The following NME9 variants were observed in gnomAD, a reference collection of about 807,000 sequenced individuals.
NME9 encodes the protein NME/NM23 family member 9, also known as thioredoxin domain-containing protein 6.
In NME9, 48 loss-of-function variants were observed where a neutral mutation model predicts 44.4. The ratio of observed to expected loss-of-function variants is 1.08; its 90% confidence interval spans 0.86 to 1.37. The LOEUF (loss-of-function observed/expected upper bound fraction) is 1.37. Among genes scored for constraint, NME9 ranks in the 40% most tolerant of loss-of-function variants. The pLI is 0.00. For missense variants in NME9, 325 were observed against 405.2 expected (o/e 0.80, Z 1.70); for synonymous variants, 139 against 147.1 (o/e 0.94, Z 0.40).
chr3:138,290,497 G>C (rs919608697), intron 8 of NME9: 2 of 1,342,242 alleles, frequency 1.5e-6, no homozygotes, highest in East Asian at 2.4e-5. Flanking sequence ...ACATCAAAGA[G>C]AGCATTTGCC....
chr3:138,306,481 C>CT lies in NME9; in HGVS notation c.461-2dup. On this transcript the variant is annotated splice_acceptor_variant, in intron 6 of 10. Transcript: ENST00000333911. LOFTEE classifies it high-confidence loss of function. ...AAGGTACAGGTCCTCTCTGATGAAACTAAGCCAAAAAATGGTGCTGTCAGA... is the reference window on the plus strand; with the variant it reads ...AAGGTACAGGTCCTCTCTGATGAAACTTAAGCCAAAAAATGGTGCTGTCAGA... The CT allele has an allele frequency of 6.3e-7, 1 of 1,596,416 alleles. No homozygotes were observed. Among genetic ancestry groups the CT allele is most frequent in the Non-Finnish European group, 8.5e-7 (1 of 1,172,260 alleles).
At chr3:138,312,159 G>A (rs2052745342) in intron 6 of NME9, among the ~76,000 whole-genome samples, 1 of 152,076 alleles carries the variant, frequency 6.6e-6, no homozygotes, top group African/African-American at 2.4e-5. Flanking sequence ...CTGATGGATT[G>A]GGAGAATTAA....
intron 8 of NME9, among the ~76,000 whole-genome samples, chr3:138,295,098 C>T (rs180829354): frequency 1.5e-3 from 235 of 152,116 alleles, no homozygotes; most frequent in African/African-American, 5.0e-3. Flanking sequence ...AGGGTTTCAC[C>T]GTGTTGGCCA....
intron 2 of NME9, among the ~76,000 whole-genome samples, chr3:138,320,313 G>A (rs2053383443): frequency 6.6e-6 from 1 of 152,186 alleles, no homozygotes; most frequent in Non-Finnish European, 1.5e-5. Context: ...GCAGCAGCAA[G>A]GGCTAGATGG....
chr3:138,324,774 G>T, intron 2 of NME9, 99 bp downstream of exon 2: 1 of 879,256 alleles, frequency 1.1e-6, no homozygotes. Context: ...AAGGTAATAG[G>T]AAAGTGGTGT....
chr3:138,300,622 G>A (rs1040139548), downstream of NME9, among the ~76,000 whole-genome samples: 1 of 152,238 alleles, frequency 6.6e-6, no homozygotes, highest in Non-Finnish European at 1.5e-5. Flanking sequence ...ACTGCAGAGG[G>A]ATGGCTAAGC....
intron 7 of NME9, 66 bp downstream of exon 7, chr3:138,306,332 C>A: frequency 8.3e-7 from 1 of 1,202,644 alleles, no homozygotes; most frequent in South Asian, 1.2e-5. Flanking sequence ...CCCAGTGCCC[C>A]ATCCCTGTTT....
chr3:138,277,636 A>C (rs1283286277), intron 8 of NME9, among the ~76,000 whole-genome samples: 1 of 152,236 alleles, frequency 6.6e-6, no homozygotes, highest in Non-Finnish European at 1.5e-5. Context: ...GAATAGCTAA[A>C]AATTTTTTTA....
intron 8 of NME9, among the ~76,000 whole-genome samples, chr3:138,292,447 G>A (rs984751561): frequency 7.2e-5 from 11 of 152,252 alleles, no homozygotes; most frequent in African/African-American, 2.4e-4. Flanking sequence ...AATAATGTCG[G>A]TAAGGGAGTG....
downstream of NME9, chr3:138,296,873 A>C (rs2051535339): frequency 1.3e-5 from 2 of 152,192 alleles, no homozygotes; most frequent in South Asian, 4.1e-4. Flanking sequence ...TGTCATTGGT[A>C]TTAGCAATAT....
downstream of NME9, among the ~76,000 whole-genome samples, chr3:138,300,166 A>C (rs747613940): frequency 1.3e-5 from 2 of 152,146 alleles, no homozygotes; most frequent in Non-Finnish European, 2.9e-5. Flanking sequence ...GATCCTGTAC[A>C]GGTTCCGATG....
At chr3:138,272,331 T>C (rs111903025) in intron 8 of NME9, among the ~76,000 whole-genome samples, 4 of 152,286 alleles carry the variant, frequency 2.6e-5, no homozygotes, top group African/African-American at 9.6e-5. Context: ...AGTCATTTCG[T>C]GTACAGCAGG....
chr3:138,325,796 AT>A (rs35102089), intron 1 of NME9, among the ~76,000 whole-genome samples: 75,416 of 140,272 alleles, frequency 0.54, 20,980 homozygotes, highest in East Asian at 0.76. Flanking sequence ...AGATTTAGGG[AT>A]TTTTTTTTTT....
intron 8 of NME9, among the ~76,000 whole-genome samples, chr3:138,276,235 C>T (rs76608199): frequency 0.022 from 3,296 of 152,268 alleles, 105 homozygotes; most frequent in African/African-American, 0.073. Flanking sequence ...TTTAATGCTT[C>T]TCAAAAGCAC....
chr3:138,279,122 A>G (rs1035636580), intron 8 of NME9, among the ~76,000 whole-genome samples: 2 of 152,222 alleles, frequency 1.3e-5, no homozygotes, highest in Admixed American at 6.5e-5. Context: ...TCAGTCTTTC[A>G]CTATTGAATA....
chr3:138,264,208 T>G (rs1332653129), intron 8 of NME9: 1 of 1,613,604 alleles, frequency 6.2e-7, no homozygotes, highest in Non-Finnish European at 8.5e-7. Context: ...AAACCTTTAA[T>G]GAAGGTAAGA....
At chr3:138,279,581 T>C (rs2049670529) in intron 8 of NME9, among the ~76,000 whole-genome samples, 1 of 152,212 alleles carries the variant, frequency 6.6e-6, no homozygotes, top group African/African-American at 2.4e-5. Flanking sequence ...GTGTTCGCTC[T>C]TCAATTTTCT....
At chr3:138,322,558 A>T (rs1004469359) in intron 2 of NME9, among the ~76,000 whole-genome samples, 2 of 151,420 alleles carry the variant, frequency 1.3e-5, no homozygotes, top group African/African-American at 4.9e-5. Context: ...GGACTTTGGC[A>T]TGTTGAAAGC....
intron 5 of NME9, 136 bp downstream of exon 5, chr3:138,315,391 A>G (rs886970022): frequency 1.6e-6 from 1 of 635,208 alleles, no homozygotes. Context: ...TGCATGAGGA[A>G]CAGACCCAGG....
Sources: allele counts gnomAD v4.1 joint callset (sites outside exome capture counted in the v4.1 genomes callset), GRCh38; gene constraint gnomAD v4.1.1; transcripts MANE v1.5; gene names NCBI Gene and HGNC (gene_info 2026-07-23, HGNC 2026-07-21).